Variants in SEMA3A observed in about 807,000 individuals in gnomAD.
The protein encoded by SEMA3A is semaphorin-3A.
A neutral mutation model predicts 97.9 loss-of-function variants in SEMA3A; 29 were observed. The ratio of observed to expected loss-of-function variants is 0.30; its 90% confidence interval spans 0.22 to 0.40. The LOEUF (loss-of-function observed/expected upper bound fraction) is 0.40. SEMA3A is among the 10% of genes least tolerant of loss of function. The pLI, the probability that SEMA3A is intolerant of heterozygous loss-of-function variation, is 1.00. For synonymous variants in SEMA3A, 321 were observed against 323.7 expected (o/e 0.99, Z 0.09); for missense variants, 763 against 951.3 (o/e 0.80, Z 2.60).
intron 1 of SEMA3A, among the ~76,000 whole-genome samples, chr7:84,388,684 G>A (rs1176337172): frequency 6.6e-6 from 1 of 151,812 alleles, no homozygotes; most frequent in African/African-American, 2.4e-5. Context: ...TTAGCCCTAG[G>A]AACAGAATTA....
Position 84,283,024 on chromosome 7 carries a change from A to ATT in SEMA3A, c.-83+24181_-83+24182dup, listed in dbSNP as rs36114095. 4.4e-3 allele frequency among the ~76,000 whole-genome samples: 660 copies of ATT among 151,264 alleles called. 1 individual carries two copies. The highest frequency in any genetic ancestry group is 6.6e-3 in the Non-Finnish European group (445 of 67,770). ...GTAAGACTCCATCTAAAAAAAAAGC[A>ATT]TTTTTTTTTAAGTAATGAATAAAAT... On this transcript the variant is annotated intron_variant, in intron 3 of 3. Transcript: ENST00000424555.
intron 3 of SEMA3A, among the ~76,000 whole-genome samples, chr7:84,287,123 C>G (rs915552548): frequency 3.8e-4 from 58 of 152,090 alleles, no homozygotes; most frequent in African/African-American, 1.4e-3. Flanking sequence ...ATTAACTAAA[C>G]TTGTCACGTT....
chr7:84,165,359 TA>T (rs1263385793), intron 1 of SEMA3A, among the ~76,000 whole-genome samples: 1 of 152,196 alleles, frequency 6.6e-6, no homozygotes, highest in Admixed American at 6.5e-5. Context: ...TAGAAATAGC[TA>T]AATTAAAAAT....
At chr7:84,023,927 G>T (rs1392953783) in intron 6 of SEMA3A, among the ~76,000 whole-genome samples, 1 of 151,418 alleles carries the variant, frequency 6.6e-6, no homozygotes, top group Non-Finnish European at 1.5e-5. Context: ...CAGGAGAATA[G>T]CGTGAACCCG....
intron 1 of SEMA3A, among the ~76,000 whole-genome samples, chr7:84,400,731 G>A (rs567453333): frequency 2.0e-5 from 3 of 152,302 alleles, no homozygotes; most frequent in Admixed American, 2.0e-4. Flanking sequence ...AATGACAACT[G>A]AGATCTTTCC....
intron 1 of SEMA3A, among the ~76,000 whole-genome samples, chr7:84,466,724 C>A (rs1260412987): frequency 1.3e-5 from 2 of 152,142 alleles, no homozygotes; most frequent in Admixed American, 1.3e-4. Flanking sequence ...TTAGATTGTA[C>A]CCTGGACTTG....
rs371709142 is a variant in SEMA3A at position 83,966,128 on chromosome 7, CTGG to C, written c.1718-2784_1718-2782del. Among the ~76,000 whole-genome samples the C allele has an allele frequency of 5.9e-5, 9 of 152,136 alleles. No individual in the cohort carries two copies. In the East Asian group the frequency reaches 1.2e-3, roughly 20 times the overall value. ...TTTCATTTCCTCTTCAGGACATCCT[CTGG>C]TGGTGGCAAGCTTTTTCCAATGTAC... On this transcript the variant is annotated intron_variant, in intron 15 of 16. Coordinates refer to ENST00000265362, the MANE Select transcript of SEMA3A (RefSeq NM_006080.3).
chr7:84,475,019 T>C (rs780529487), intron 1 of SEMA3A, among the ~76,000 whole-genome samples: 32 of 152,094 alleles, frequency 2.1e-4, no homozygotes, highest in Non-Finnish European at 3.5e-4. Context: ...TGTGACATCA[T>C]TCTTCTTACC....
At chr7:84,442,047 C>G (rs1562949450) in intron 1 of SEMA3A, among the ~76,000 whole-genome samples, 1 of 152,042 alleles carries the variant, frequency 6.6e-6, no homozygotes, top group African/African-American at 2.4e-5. Flanking sequence ...AACTCAAAGA[C>G]ATATGAAGAA....
intron 2 of SEMA3A, among the ~76,000 whole-genome samples, chr7:84,334,707 T>C (rs75482688): frequency 0.038 from 5,670 of 148,816 alleles, 305 homozygotes; most frequent in East Asian, 0.14. Flanking sequence ...ACTACCTCCC[T>C]TTCCACTTGC....
intron 1 of SEMA3A, among the ~76,000 whole-genome samples, chr7:84,464,850 T>A (rs1391197714): frequency 2.0e-5 from 3 of 152,162 alleles, no homozygotes; most frequent in African/African-American, 7.2e-5. Context: ...CGGTATCTTT[T>A]TAATTTTCTG....
At chr7:84,044,957 A>G (rs1355745452) in intron 6 of SEMA3A, among the ~76,000 whole-genome samples, 3 of 152,050 alleles carry the variant, frequency 2.0e-5, no homozygotes, top group Non-Finnish European at 2.9e-5. Flanking sequence ...TACCACATGG[A>G]AAATTATAGG....
At chr7:84,491,191 G>A (rs1401833874) in intron 1 of SEMA3A, among the ~76,000 whole-genome samples, 1 of 151,938 alleles carries the variant, frequency 6.6e-6, no homozygotes, top group Non-Finnish European at 1.5e-5. Context: ...ATAATAGTTA[G>A]AAAATAAAAA....
chr7:84,404,269 C>G (rs1439940997), intron 1 of SEMA3A, among the ~76,000 whole-genome samples: 1 of 151,964 alleles, frequency 6.6e-6, no homozygotes, highest in Non-Finnish European at 1.5e-5. Context: ...GTAACCAATG[C>G]AATCAACTGG....
intron 6 of SEMA3A, among the ~76,000 whole-genome samples, chr7:84,018,168 C>G (rs1449884069): frequency 6.6e-6 from 1 of 152,110 alleles, no homozygotes; most frequent in Admixed American, 6.5e-5. Context: ...ACCTGCTGTA[C>G]TGATAGGACC....
intron 3 of SEMA3A, among the ~76,000 whole-genome samples, chr7:84,268,252 T>TGC (rs1027012907): frequency 1.0e-5 from 1 of 95,288 alleles, no homozygotes; most frequent in Non-Finnish European, 1.9e-5. Context: ...CATAAGCATG[T>TGC]GTGTGTGTGT....
At chr7:84,492,622 G>A (rs1037016893) in exon 1 of SEMA3A, 1 of 152,132 alleles carries the variant, frequency 6.6e-6, no homozygotes, top group Non-Finnish European at 1.5e-5. Context: ...TAGAGAGCCA[G>A]TCAAGACACA....
At chr7:84,346,924 A>G (rs1802313460) in intron 2 of SEMA3A, among the ~76,000 whole-genome samples, 1 of 152,198 alleles carries the variant, frequency 6.6e-6, no homozygotes, top group Non-Finnish European at 1.5e-5. Flanking sequence ...AATAATTCCC[A>G]TATAGTAATG....
intron 1 of SEMA3A, among the ~76,000 whole-genome samples, chr7:84,437,109 CAAGCGTTTTTACAAT>C (rs1306237917): frequency 6.6e-6 from 1 of 152,022 alleles, no homozygotes; most frequent in East Asian, 1.9e-4. Context: ...TAAAAGATCA[CAAGCGTTTTTACAAT>C]AAGCGCTCTG....
Sources: gnomAD v4.1 joint callset for allele counts (sites outside exome capture counted in the v4.1 genomes callset) on GRCh38, gnomAD v4.1.1 for gene constraint, MANE v1.5 for transcripts, NCBI Gene and HGNC (gene_info 2026-07-23, HGNC 2026-07-21) for gene names.